SLC25A19: variants seen among roughly 807,000 people sequenced by gnomAD.
SLC25A19 encodes the protein mitochondrial thiamine pyrophosphate carrier.
Under a neutral mutation model 27.9 loss-of-function variants are expected in SLC25A19, and 18 were observed. The ratio of observed to expected loss-of-function variants is 0.64; its 90% CI spans 0.45 to 0.96. SLC25A19 has a LOEUF of 0.96. SLC25A19 is among the 40% of genes least tolerant of loss of function. SLC25A19 has a pLI of 0.00. For missense variants in SLC25A19, 371 were observed against 418.3 expected (o/e 0.89, Z 0.99); for synonymous variants, 169 against 167.1 (o/e 1.01, Z -0.09).
Position 75,275,435 on chromosome 17 carries a change from C to T in SLC25A19, c.775-1796G>A, listed in dbSNP as rs1440872063. 2.6e-5 allele frequency among the ~76,000 whole-genome samples: 4 copies of T among 152,154 alleles called. No homozygotes were observed. In the East Asian group the frequency reaches 7.7e-4, roughly 29 times the overall value. ...CCTCCCATTCCATGCCATCCCTCTC[C>T]TCTGACATTGTCAGGCATATTTTTT... On this transcript the variant is annotated intron_variant, in intron 7 of 7. Coordinates refer to ENST00000416858, the MANE Select transcript of SLC25A19 (RefSeq NM_001126121.2).
At chr17:75,273,758 A>G (rs2077788882) in intron 7 of SLC25A19, 119 bp from the exon 8 acceptor site, 1 of 923,410 alleles carries the variant, frequency 1.1e-6, no homozygotes, top group Non-Finnish European at 1.6e-6. Context: ...GCAAAATAGC[A>G]AATTATTTTA....
intron 4 of SLC25A19, among the ~76,000 whole-genome samples, chr17:75,284,633 C>CTTTT (rs1555604197): frequency 2.7e-5 from 3 of 112,290 alleles, no homozygotes; most frequent in African/African-American, 1.0e-4. Context: ...TCAGATCTTT[C>CTTTT]TTTTTTTTTT....
chr17:75,273,792 A>C, intron 7 of SLC25A19, 153 bp from the exon 8 acceptor site: 1 of 728,756 alleles, frequency 1.4e-6, no homozygotes, highest in Non-Finnish European at 2.3e-6. Flanking sequence ...GCAGAGTCTC[A>C]CTCTGTTGCC....
chr17:75,274,763 G>A (rs1031251545), intron 7 of SLC25A19, among the ~76,000 whole-genome samples: 1 of 151,854 alleles, frequency 6.6e-6, no homozygotes, highest in Non-Finnish European at 1.5e-5. Context: ...GCAACAGAGC[G>A]ATATCCCATT....
At chr17:75,283,689 C>T in intron 4 of SLC25A19, 96 bp from the exon 5 acceptor site, 4 of 1,232,650 alleles carry the variant, frequency 3.2e-6, no homozygotes, top group Non-Finnish European at 4.7e-6. Flanking sequence ...GGCTGGGGCC[C>T]AGGTGGAGGG....
chr17:75,279,290 C>T (rs2077976286), intron 5 of SLC25A19, among the ~76,000 whole-genome samples: 1 of 152,010 alleles, frequency 6.6e-6, no homozygotes. Flanking sequence ...GAAGAACTGT[C>T]TTTGTAACCT....
chr17:75,275,246 G>T (rs1209322910), intron 7 of SLC25A19, among the ~76,000 whole-genome samples: 1 of 151,836 alleles, frequency 6.6e-6, no homozygotes, highest in African/African-American at 2.4e-5. Context: ...TCCCATTTTG[G>T]CCTCCCAAAG....
chr17:75,285,088 A>G (rs1307354619), intron 4 of SLC25A19, among the ~76,000 whole-genome samples: 1 of 150,964 alleles, frequency 6.6e-6, no homozygotes, highest in Non-Finnish European at 1.5e-5. Flanking sequence ...GTGTACCACC[A>G]TATCTGGCTA....
In SLC25A19 at chr17:75,286,689, C is replaced by T. The variant is rs181826033; in HGVS notation, c.76G>A (p.Gly26Arg). The T allele has an allele frequency of 7.4e-6, 12 of 1,614,140 alleles. No individual in the cohort carries two copies. The East Asian group carries it at 2.7e-4, about 36-fold the overall frequency. ...FQVAVAGSVS[G>R]LVTRALISPF... ...CTGATCAGCGCCCGAGTAACAAGTC[C>T]AGACACAGACCCAGCCACTGCCACC... Residue 26 changes from glycine (G) to arginine (R), a missense_variant, in exon 3 of 8, where the codon GGA becomes AGA. Transcript: ENST00000416858.
At position 75,278,164 on chromosome 17, in the gene SLC25A19, C is replaced by T. The variant is rs754699353; in HGVS notation, c.631G>A (p.Gly211Arg). 1.2e-6 allele frequency: 2 copies of T among 1,613,696 alleles called. No individual in the cohort carries two copies. Among genetic ancestry groups the T allele is most frequent in the Middle Eastern group, 1.7e-4 (1 of 5,834 alleles). The stretch of plus-strand genomic sequence containing the variant: ...AGGGCTGCCTCACCATTTTTCTTTC[C>T]TTCGGCTGGTATGGCCCACTTGTAC... ...HLYKWAIPAE[G>R]KKNENLQNLL... is the part of the protein sequence containing the mutation. Residue 211 changes from glycine to arginine, a missense_variant, in exon 6 of 8, where the codon GGA becomes AGA. Gly to Arg is a moderately radical substitution (Grantham distance 125, BLOSUM62 -2). Coordinates refer to ENST00000416858, the MANE Select transcript of SLC25A19 (RefSeq NM_001126121.2).
intron 5 of SLC25A19, among the ~76,000 whole-genome samples, chr17:75,279,721 A>C (rs576967423): frequency 1.4e-4 from 21 of 151,736 alleles, no homozygotes; most frequent in East Asian, 3.9e-4. Context: ...GTTGGCCAGG[A>C]TGATCTCGAT....
chr17:75,275,229 C>T (rs1157241602), intron 7 of SLC25A19, among the ~76,000 whole-genome samples: 1 of 151,826 alleles, frequency 6.6e-6, no homozygotes, highest in Admixed American at 6.6e-5. Context: ...CTGGCCTCAA[C>T]TGATTTTCCC....
chr17:75,282,371 G>A (rs1156894085), intron 5 of SLC25A19, among the ~76,000 whole-genome samples: 3 of 151,820 alleles, frequency 2.0e-5, no homozygotes, highest in Admixed American at 1.3e-4. Flanking sequence ...CTAACATGGC[G>A]AAACTCTGTC....
chr17:75,289,112 G>A (rs2078251235), intron 1 of SLC25A19: 1 of 152,224 alleles, frequency 6.6e-6, no homozygotes, highest in Admixed American at 6.5e-5. Flanking sequence ...TGTGCCTCGG[G>A]GTGTGTTTTT....
intron 4 of SLC25A19, among the ~76,000 whole-genome samples, chr17:75,283,815 G>A (rs948096750): frequency 2.6e-5 from 4 of 152,116 alleles, no homozygotes; most frequent in African/African-American, 7.2e-5. Context: ...ACACTCAAAG[G>A]GTTAAGAAGA....
rs764195323 is a variant in SLC25A19 at position 75,273,335 on chromosome 17, C to G, written c.*116G>C. Reference sequence around the variant, plus strand: ...CAGCTGGGTGGGTTCAAGGCTGCTACCCCGCTTGGGGCAGCTGGCCTGCAG... The same window carrying G: ...CAGCTGGGTGGGTTCAAGGCTGCTAGCCCGCTTGGGGCAGCTGGCCTGCAG... On this transcript the variant is annotated 3_prime_UTR_variant, in exon 8 of 8. Coordinates refer to ENST00000416858, the MANE Select transcript of SLC25A19 (RefSeq NM_001126121.2). 3.9e-5 allele frequency: 48 copies of G among 1,222,682 alleles called. No homozygotes were observed. The highest frequency in any genetic ancestry group is 5.4e-5 in the Non-Finnish European group (47 of 864,518). The allele number at this position is 1,222,682 out of a possible 1,614,324, so 75.7% of individuals were successfully genotyped here.
chr17:75,273,448 C>G lies in SLC25A19; in HGVS notation c.*3G>C. 6.2e-7 allele frequency: 1 copy of G among 1,613,462 alleles called. No homozygotes were observed. The highest frequency in any genetic ancestry group is 1.1e-5 in the South Asian group (1 of 91,052). ...CAGGGAAGACCTGGGGTCCTTCCTGCACTCAGCGCTGGCTGGCTGTCCTGT... is the reference window on the plus strand; with the variant it reads ...CAGGGAAGACCTGGGGTCCTTCCTGGACTCAGCGCTGGCTGGCTGTCCTGT... On this transcript the variant is annotated 3_prime_UTR_variant, in exon 8 of 8. Transcript: ENST00000416858.
chr17:75,283,983 G>A (rs1455584172), intron 4 of SLC25A19, among the ~76,000 whole-genome samples: 2 of 152,012 alleles, frequency 1.3e-5, no homozygotes, highest in South Asian at 2.1e-4. Context: ...GCATGGTGGC[G>A]GGCACCTGTA....
At chr17:75,280,930 AAAAC>A (rs1430714064) in intron 5 of SLC25A19, among the ~76,000 whole-genome samples, 8 of 149,700 alleles carry the variant, frequency 5.3e-5, no homozygotes, top group Admixed American at 3.3e-4. Context: ...CTCCGTCTCA[AAAAC>A]AAACAAACAA....
Sources: gnomAD v4.1 joint callset for allele counts (sites outside exome capture counted in the v4.1 genomes callset) on GRCh38, gnomAD v4.1.1 for gene constraint, MANE v1.5 for transcripts, NCBI Gene and HGNC (gene_info 2026-07-23, HGNC 2026-07-21) for gene names.